ATOSA: variants seen among roughly 807,000 people sequenced by gnomAD.
The protein encoded by ATOSA is atos homolog A, also known as atos homolog protein A.
chr15:52,617,752 TTAAA>T, the ATOSA span, among the ~76,000 whole-genome samples: 1 of 124,626 alleles, frequency 8.0e-6, no homozygotes, highest in South Asian at 2.7e-4. Flanking sequence ...TAAATTTTAT[TTAAA>T]TATTTATTTA....
the ATOSA span, among the ~76,000 whole-genome samples, chr15:52,651,446 G>A: frequency 3.3e-5 from 5 of 152,118 alleles, no homozygotes; most frequent in Non-Finnish European, 7.4e-5. Flanking sequence ...TCAGAAACAT[G>A]AATTCAATTA....
the ATOSA span, chr15:52,679,054 G>A: frequency 6.5e-6 from 1 of 152,742 alleles, no homozygotes; most frequent in Non-Finnish European, 1.5e-5. Context: ...AGCGGGAGCG[G>A]AGTATGGAGC....
the ATOSA span, among the ~76,000 whole-genome samples, chr15:52,593,141 G>A: frequency 6.3e-4 from 93 of 148,322 alleles, no homozygotes; most frequent in African/African-American, 2.2e-3. Context: ...GTGAGATGCT[G>A]TCAAAAAAAA....
the ATOSA span, among the ~76,000 whole-genome samples, chr15:52,616,661 C>G: frequency 6.6e-6 from 1 of 152,278 alleles, no homozygotes; most frequent in African/African-American, 2.4e-5. Flanking sequence ...CTGGGTCAGT[C>G]TATTTCCCAG....
At chr15:52,613,359 C>T in the ATOSA span, among the ~76,000 whole-genome samples, 1 of 152,192 alleles carries the variant, frequency 6.6e-6, no homozygotes, top group African/African-American at 2.4e-5. Context: ...GAGCGAGACT[C>T]CGTCTCAAAT....
At chr15:52,605,340 A>T in the ATOSA span, 1 of 796,932 alleles carries the variant, frequency 1.3e-6, no homozygotes, top group Non-Finnish European at 2.0e-6. Flanking sequence ...TTCCTAATAC[A>T]TTCTGAGGTA....
At chr15:52,626,233 C>T in the ATOSA span, among the ~76,000 whole-genome samples, 3 of 152,120 alleles carry the variant, frequency 2.0e-5, no homozygotes, top group South Asian at 2.1e-4. Context: ...TACATGAATT[C>T]GGACAGTTAC....
chr15:52,709,207 C>T, the ATOSA span, among the ~76,000 whole-genome samples: 6 of 152,182 alleles, frequency 3.9e-5, no homozygotes, highest in African/African-American at 1.4e-4. Flanking sequence ...CTCCCAAAAC[C>T]CACGATTGAT....
chr15:52,652,757 C>T, the ATOSA span, among the ~76,000 whole-genome samples: 1 of 152,284 alleles, frequency 6.6e-6, no homozygotes, highest in East Asian at 1.9e-4. Flanking sequence ...ATACATAGAA[C>T]AATGACGTTT....
At chr15:52,621,418 A>G in the ATOSA span, among the ~76,000 whole-genome samples, 1 of 152,230 alleles carries the variant, frequency 6.6e-6, no homozygotes, top group Non-Finnish European at 1.5e-5. Context: ...AATAATATGT[A>G]ATAAAAGCAG....
the ATOSA span, among the ~76,000 whole-genome samples, chr15:52,696,750 A>G: frequency 6.6e-6 from 1 of 152,072 alleles, no homozygotes; most frequent in African/African-American, 2.4e-5. Flanking sequence ...GATTTTTTTA[A>G]ATGTGCTAAT....
At chr15:52,640,571 CAAAAAA>C in the ATOSA span, among the ~76,000 whole-genome samples, 12 of 27,568 alleles carry the variant, frequency 4.4e-4, no homozygotes, top group Non-Finnish European at 5.8e-4. Context: ...ACTCAAGTCT[CAAAAAA>C]AAAAAAAAAA....
chr15:52,690,823 T>C, the ATOSA span, among the ~76,000 whole-genome samples: 20 of 152,288 alleles, frequency 1.3e-4, no homozygotes, highest in Non-Finnish European at 2.6e-4. Context: ...CATGGATTGC[T>C]CAAGATAACA....
chr15:52,689,742 A>G, the ATOSA span, among the ~76,000 whole-genome samples: 1 of 152,278 alleles, frequency 6.6e-6, no homozygotes, highest in East Asian at 1.9e-4. Context: ...AGTACATTCT[A>G]ATGTTTAGTG....
the ATOSA span, chr15:52,586,953 G>T: frequency 9.2e-7 from 1 of 1,081,552 alleles, no homozygotes. Flanking sequence ...TATTCACCTT[G>T]ATTAGCTTAT....
chr15:52,610,334 T>C, the ATOSA span: 163 of 1,612,888 alleles, frequency 1.0e-4, no homozygotes, highest in Non-Finnish European at 1.3e-4. Flanking sequence ...ACATGCTCAA[T>C]TGGAGTCTGT....
the ATOSA span, chr15:52,611,213 A>G: frequency 6.2e-7 from 1 of 1,613,912 alleles, no homozygotes; most frequent in South Asian, 1.1e-5. Context: ...ATGAGCGGAC[A>G]GCCAACAGAA....
chr15:52,695,437 A>G, the ATOSA span, among the ~76,000 whole-genome samples: 1 of 152,142 alleles, frequency 6.6e-6, no homozygotes, highest in Non-Finnish European at 1.5e-5. Context: ...TAAATCAACA[A>G]CATTCTCTTT....
At chr15:52,668,339 G>A in the ATOSA span, among the ~76,000 whole-genome samples, 2 of 152,062 alleles carry the variant, frequency 1.3e-5, no homozygotes, top group African/African-American at 2.4e-5. Flanking sequence ...CACTTATGTG[G>A]AATCTTAAAA....
Sources: gnomAD v4.1 joint callset for allele counts (sites outside exome capture counted in the v4.1 genomes callset) on GRCh38, gnomAD v4.1.1 for gene constraint, MANE v1.5 for transcripts, NCBI Gene and HGNC (gene_info 2026-07-23, HGNC 2026-07-21) for gene names.